ARB2A: variants seen among roughly 807,000 people sequenced by gnomAD.
ARB2A encodes ARB2 cotranscriptional regulator A, also known as cotranscriptional regulator ARB2A.
the ARB2A span, among the ~76,000 whole-genome samples, chr5:93,946,999 ATT>A: frequency 6.6e-6 from 1 of 151,968 alleles, no homozygotes; most frequent in Non-Finnish European, 1.5e-5. Context: ...TTAATGTCAT[ATT>A]TTTTCTCATT....
chr5:93,620,953 G>T, the ARB2A span: 31 of 1,596,396 alleles, frequency 1.9e-5, no homozygotes, highest in Non-Finnish European at 2.4e-5. Context: ...GGGTGGGTGC[G>T]CCAGGGCGGC....
At chr5:94,103,403 A>G in the ARB2A span, among the ~76,000 whole-genome samples, 15 of 152,054 alleles carry the variant, frequency 9.9e-5, no homozygotes, top group Non-Finnish European at 2.1e-4. Flanking sequence ...AAGCAACAAT[A>G]ATCAAAAAGG....
At chr5:93,911,117 C>A in the ARB2A span, among the ~76,000 whole-genome samples, 1 of 151,488 alleles carries the variant, frequency 6.6e-6, no homozygotes, top group African/African-American at 2.4e-5. Flanking sequence ...TGACTTACAG[C>A]ATTTAGAGCA....
the ARB2A span, chr5:93,740,605 G>C: frequency 6.3e-7 from 1 of 1,599,644 alleles, no homozygotes; most frequent in Non-Finnish European, 8.6e-7. Flanking sequence ...CAGAGTGGTG[G>C]CTGGGGCAGA....
chr5:93,637,976 A>G, the ARB2A span, among the ~76,000 whole-genome samples: 1 of 152,356 alleles, frequency 6.6e-6, no homozygotes, highest in African/African-American at 2.4e-5. Context: ...CTGAATCCCA[A>G]TAAAAACTCT....
chr5:93,666,437 C>A, the ARB2A span, among the ~76,000 whole-genome samples: 1 of 151,726 alleles, frequency 6.6e-6, no homozygotes. Flanking sequence ...ATTCTCCAAC[C>A]CAGACCCCCT....
chr5:93,803,713 TAAA>T, the ARB2A span, among the ~76,000 whole-genome samples: 1 of 141,356 alleles, frequency 7.1e-6, no homozygotes, highest in African/African-American at 2.6e-5. Context: ...ACTTAAAAGT[TAAA>T]AAAAAAAAAA....
the ARB2A span, among the ~76,000 whole-genome samples, chr5:94,046,865 A>T: frequency 6.6e-6 from 1 of 152,178 alleles, no homozygotes. Flanking sequence ...TAACTAATTA[A>T]CTATAGTGAA....
chr5:93,895,844 A>G, the ARB2A span, among the ~76,000 whole-genome samples: 1 of 152,070 alleles, frequency 6.6e-6, no homozygotes, highest in Non-Finnish European at 1.5e-5. Context: ...ATATATAATC[A>G]TAAAATTTAA....
chr5:93,881,647 A>G, the ARB2A span: 1 of 1,598,310 alleles, frequency 6.3e-7, no homozygotes, highest in South Asian at 1.1e-5. Context: ...CTACTTCAAT[A>G]TAGTTTTCAT....
the ARB2A span, among the ~76,000 whole-genome samples, chr5:93,705,609 ATGTGTGTGTG>A: frequency 6.5e-3 from 837 of 128,794 alleles, 7 homozygotes; most frequent in African/African-American, 0.021. Flanking sequence ...TTGGGAAAAA[ATGTGTGTGTG>A]TGTGTGTGTG....
chr5:93,947,124 A>G, the ARB2A span, among the ~76,000 whole-genome samples: 2 of 152,174 alleles, frequency 1.3e-5, no homozygotes, highest in South Asian at 4.1e-4. Flanking sequence ...ATTTCTTCAT[A>G]TAATCTGTAG....
the ARB2A span, among the ~76,000 whole-genome samples, chr5:94,095,708 C>T: frequency 1.3e-5 from 2 of 151,954 alleles, no homozygotes; most frequent in African/African-American, 4.8e-5. Flanking sequence ...TACATACTTC[C>T]ATCTATCATA....
At chr5:93,725,034 T>A in the ARB2A span, among the ~76,000 whole-genome samples, 4 of 151,818 alleles carry the variant, frequency 2.6e-5, no homozygotes, top group African/African-American at 9.7e-5. Flanking sequence ...AGGGACAGAG[T>A]AGGATAGCGT....
At chr5:93,951,869 A>G in the ARB2A span, among the ~76,000 whole-genome samples, 1 of 152,230 alleles carries the variant, frequency 6.6e-6, no homozygotes, top group Non-Finnish European at 1.5e-5. Context: ...AAAGAAAAAG[A>G]TTTCCTAAAT....
At chr5:93,913,586 G>T in the ARB2A span, among the ~76,000 whole-genome samples, 3 of 151,640 alleles carry the variant, frequency 2.0e-5, no homozygotes, top group African/African-American at 7.3e-5. Context: ...CCTTAGAAAA[G>T]GATAAAAAAA....
the ARB2A span, among the ~76,000 whole-genome samples, chr5:93,801,740 T>C: frequency 1.5e-3 from 223 of 151,986 alleles, no homozygotes; most frequent in African/African-American, 5.0e-3. Flanking sequence ...GAAAAAAAAT[T>C]CCACCCAGCA....
chr5:93,837,955 T>C, the ARB2A span, among the ~76,000 whole-genome samples: 10 of 152,328 alleles, frequency 6.6e-5, no homozygotes, highest in East Asian at 1.9e-3. Context: ...ATTCTATAGA[T>C]TGTCTGTTTA....
At chr5:93,702,627 A>C in the ARB2A span, among the ~76,000 whole-genome samples, 1 of 152,130 alleles carries the variant, frequency 6.6e-6, no homozygotes, top group Non-Finnish European at 1.5e-5. Flanking sequence ...TAAATGAAGG[A>C]AAGAAGGAGC....
Sources: gnomAD v4.1 joint callset for allele counts (sites outside exome capture counted in the v4.1 genomes callset) on GRCh38, gnomAD v4.1.1 for gene constraint, MANE v1.5 for transcripts, NCBI Gene and HGNC (gene_info 2026-07-23, HGNC 2026-07-21) for gene names.